The following ZNF264 variants were observed in gnomAD, a reference collection of about 807,000 sequenced individuals.
ZNF264 encodes the protein zinc finger protein 264.
In ZNF264, 11 loss-of-function variants were observed where a neutral mutation model predicts 11.2. That is an observed-to-expected ratio of 0.98 (90% CI 0.62 to 1.63). The LOEUF (loss-of-function observed/expected upper bound fraction) is 1.63, where lower values mean the gene tolerates loss of function less well. Among genes scored for constraint, ZNF264 ranks in the 40% most tolerant of loss-of-function variants. The pLI is 0.00. For missense variants in ZNF264, 752 were observed against 768.1 expected (o/e 0.98, Z 0.25); for synonymous variants, 309 against 279.8 (o/e 1.10, Z -1.04).
Position 57,213,220 on chromosome 19 carries a change from T to C in ZNF264, c.*239T>C, listed in dbSNP as rs2087354955. The C allele has an allele frequency of 5.1e-6, 2 of 388,880 alleles. No homozygotes were observed. Among genetic ancestry groups the C allele is most frequent in the Non-Finnish European group, 9.2e-6 (2 of 217,644 alleles). 24.1% of individuals were successfully genotyped at this position (388,880 alleles called of 1,614,324 possible). On this transcript the variant is annotated 3_prime_UTR_variant, in exon 4 of 4. Coordinates refer to ENST00000263095, the MANE Select transcript of ZNF264 (RefSeq NM_003417.5). ...AAAAAATGAAATGCAAGCACACATC[T>C]TTTCAGGCTTCTCTGCCAAGCCTAT...
chr19:57,212,668 C>T lies in ZNF264; in HGVS notation c.1571C>T (p.Thr524Ile). 2 of 1,613,920 alleles carry T rather than the reference C, an allele frequency of 1.2e-6. No individual in the cohort carries two copies. Among genetic ancestry groups the T allele is most frequent in the Non-Finnish European group, 1.7e-6 (2 of 1,179,994 alleles). The part of the protein sequence containing the change: ...VECGKSFCWS[T>I]NLIRHAIIHT... ...TGTGGGAAATCGTTTTGCTGGAGCA[C>T]AAACCTCATTCGACATGCCATTATC... Residue 524 changes from threonine (T) to isoleucine (I), a missense_variant, in exon 4 of 4, where the codon ACA becomes ATA. Transcript: ENST00000263095.
rs1181925252 is a variant in ZNF264, at chr19:57,212,999, G to A, written c.*18G>A. The A allele has an allele frequency of 3.1e-6, 5 of 1,589,454 alleles. 1 individual carries two copies. In the African/African-American group the frequency reaches 4.1e-5, roughly 13 times the overall value. On this transcript the variant is annotated 3_prime_UTR_variant, in exon 4 of 4. Coordinates refer to ENST00000263095, the MANE Select transcript of ZNF264 (RefSeq NM_003417.5). The stretch of plus-strand genomic sequence containing the variant: ...CACTGTGAGAAAACCTTCTGTTGCT[G>A]AATATTACTTGTCATCTGAAGAGTC...
In ZNF264 at chr19:57,211,483, A is replaced by C. The variant is rs1451410504; in HGVS notation, c.386A>C (p.Gln129Pro). The C allele has an allele frequency of 1.9e-6, 3 of 1,614,176 alleles. No homozygotes were observed. Among genetic ancestry groups the C allele is most frequent in the Non-Finnish European group, 8.5e-7 (1 of 1,180,032 alleles). Residue 129 changes from glutamine to proline, a missense_variant, in exon 4 of 4, where the codon CAG becomes CCG. Transcript: ENST00000263095. ...TCACAGTTGGGGCAAGCCGAGGATC[A>C]GGATGGGCTATCAGAAATGCAGGAA... ...VDSQLGQAED[Q>P]DGLSEMQEGH...
chr19:57,194,662 T>G (rs2087199192), intron 2 of ZNF264: 1 of 389,190 alleles, frequency 2.6e-6, no homozygotes, highest in African/African-American at 2.1e-5. Flanking sequence ...TTCTGCCTAC[T>G]TTATATGCTG....
rs1193245276 is a variant in ZNF264 at position 57,220,545 on chromosome 19, C to T, written c.*7564C>T. ...TCGTCCCCACATCCAGGCACTGCCCCATTCTGTTCATTCCACCTTTTTTTT... is the reference window on the plus strand; with the variant it reads ...TCGTCCCCACATCCAGGCACTGCCCTATTCTGTTCATTCCACCTTTTTTTT... On this transcript the variant is annotated 3_prime_UTR_variant, in exon 4 of 4. Transcript: ENST00000263095. 6.6e-6 allele frequency: 1 copy of T among 152,276 alleles called. No individual in the cohort carries two copies. The highest frequency in any genetic ancestry group is 1.5e-5 in the Non-Finnish European group (1 of 68,040). 9.4% of individuals were successfully genotyped at this position (152,276 alleles called of 1,614,324 possible).
At chr19:57,210,611 G>A (rs1038782428) in intron 3 of ZNF264, among the ~76,000 whole-genome samples, 2 of 152,198 alleles carry the variant, frequency 1.3e-5, no homozygotes, top group African/African-American at 2.4e-5. Flanking sequence ...GTCCAGAATT[G>A]TACTGAAGCT....
At chr19:57,201,172 G>T (rs1364023975) in intron 2 of ZNF264, among the ~76,000 whole-genome samples, 1 of 151,964 alleles carries the variant, frequency 6.6e-6, no homozygotes, top group Non-Finnish European at 1.5e-5. Flanking sequence ...TGGTACATAA[G>T]GTTTAAAAGT....
chr19:57,199,436 A>T (rs2087235449), intron 2 of ZNF264, among the ~76,000 whole-genome samples: 1 of 151,894 alleles, frequency 6.6e-6, no homozygotes, highest in Non-Finnish European at 1.5e-5. Context: ...TCTACATTAG[A>T]CCAAGGGAGA....
At position 57,212,530 on chromosome 19, in the gene ZNF264, C is replaced by T; in HGVS notation, c.1433C>T (p.Thr478Ile). Residue 478 changes from threonine (T) to isoleucine (I), a missense_variant, in exon 4 of 4, where the codon ACT becomes ATT. Thr to Ile is a moderately conservative substitution (Grantham distance 89). Transcript: ENST00000263095. ...CTCATTCGCCACTTCAGCATCCACA[C>T]TGGAGAGAAGCCCTATGAGTGCGTG... ...KDLIRHFSIH[T>I]GEKPYECVEC... The T allele has an allele frequency of 1.2e-6, 2 of 1,614,120 alleles. No homozygotes were observed. Among genetic ancestry groups the T allele is most frequent in the South Asian group, 1.1e-5 (1 of 91,082 alleles).
In ZNF264 at chr19:57,212,585, G is replaced by A. The variant is rs114926245; in HGVS notation, c.1488G>A (p.Ser496=). 3.6e-5 allele frequency: 58 copies of A among 1,613,982 alleles called. No homozygotes were observed. Among genetic ancestry groups the A allele is most frequent in the East Asian group, 1.3e-4 (6 of 44,832 alleles). Residue 496 remains serine, a synonymous_variant, in exon 4 of 4, where the codon TCG becomes TCA. Transcript: ENST00000263095. The part of the protein sequence containing the change: ...VECGKAFTRM[S]GLTRHKRIHS... ...GTGGAAAGGCCTTCACCCGCATGTCGGGCCTCACGAGGCACAAGCGGATTC... is the reference window on the plus strand; with the variant it reads ...GTGGAAAGGCCTTCACCCGCATGTCAGGCCTCACGAGGCACAAGCGGATTC...
rs149589887 is a variant in ZNF264 at position 57,193,912 on chromosome 19, C to G, written c.71C>G (p.Thr24Ser). The G allele has an allele frequency of 2.0e-5, 33 of 1,613,942 alleles. No individual in the cohort carries two copies. In the African/African-American group the frequency reaches 3.6e-4, roughly 18 times the overall value. ...TTTGATGATGTGGCTGTGACTTTCA[C>G]CAAGGAGGAGTGGGGGCAGCTGGAC... ...VTFDDVAVTF[T>S]KEEWGQLDLA... is the part of the protein sequence containing the mutation. Residue 24 changes from threonine (T) to serine (S), a missense_variant, in exon 2 of 4, where the codon ACC becomes AGC. Transcript: ENST00000263095.
rs965920727 is a variant in ZNF264 at position 57,214,725 on chromosome 19, C to T, written c.*1744C>T. 5 of 152,164 alleles carry T rather than the reference C, an allele frequency of 3.3e-5. No individual in the cohort carries two copies. The highest frequency in any genetic ancestry group is 7.3e-5 in the Non-Finnish European group (5 of 68,032). The allele number at this position is 152,164 out of a possible 1,614,324, so 9.4% of individuals were successfully genotyped here. ...TGTCCTCTATAAGGGTAAAAAATTT[C>T]CTCTGTTCCCAGTTTTCTGAGACTC... is the stretch of plus-strand genomic sequence containing the variant. On this transcript the variant is annotated 3_prime_UTR_variant, in exon 4 of 4. Transcript: ENST00000263095.
intron 2 of ZNF264, among the ~76,000 whole-genome samples, chr19:57,202,556 A>G (rs965695451): frequency 6.6e-6 from 1 of 151,664 alleles, no homozygotes; most frequent in African/African-American, 2.4e-5. Context: ...TGTGGGTCTC[A>G]TGAGTGGGTC....
chr19:57,215,679 A>G lies in ZNF264; in HGVS notation c.*2698A>G, dbSNP rs1368657888. 1 of 152,184 alleles carries G rather than the reference A, an allele frequency of 6.6e-6. No individual in the cohort carries two copies. Among genetic ancestry groups the G allele is most frequent in the Non-Finnish European group, 1.5e-5 (1 of 68,032 alleles). The allele number at this position is 152,184 out of a possible 1,614,324, so 9.4% of individuals were successfully genotyped here. On this transcript the variant is annotated 3_prime_UTR_variant, in exon 4 of 4. Coordinates refer to ENST00000263095, the MANE Select transcript of ZNF264 (RefSeq NM_003417.5). Reference sequence around the variant, plus strand: ...ATTACATTGTATAAATTTACCTCATATCACTATTGGTTTGATCCCACAAGT... The same window carrying G: ...ATTACATTGTATAAATTTACCTCATGTCACTATTGGTTTGATCCCACAAGT...
Position 57,212,445 on chromosome 19 carries a change from A to G in ZNF264, c.1348A>G (p.Thr450Ala), listed in dbSNP as rs2087346552. ...TTTTATCTTGCATAAAAGGGCCCAC[A>G]CTGGAGAAAAGCCTTTCGAGTGCAA... is the stretch of plus-strand genomic sequence containing the variant. The part of the protein sequence containing the change: ...STFILHKRAH[T>A]GEKPFECKEC... Residue 450 changes from threonine to alanine, a missense_variant, in exon 4 of 4, where the codon ACT (threonine) becomes GCT (alanine). Transcript: ENST00000263095. 6.2e-7 allele frequency: 1 copy of G among 1,614,106 alleles called. No individual in the cohort carries two copies. Among genetic ancestry groups the G allele is most frequent in the Non-Finnish European group, 8.5e-7 (1 of 1,180,034 alleles).
Position 57,211,371 on chromosome 19 carries a change from A to G in ZNF264, c.274A>G (p.Lys92Glu), listed in dbSNP as rs2087333788. Residue 92 changes from lysine (K) to glutamate (E), a missense_variant, in exon 4 of 4, where the codon AAG becomes GAG. Coordinates refer to ENST00000263095, the MANE Select transcript of ZNF264 (RefSeq NM_003417.5). Reference protein sequence around the residue: ...DTCPGDKGKPKTTEPTTCEPA... With the variant: ...DTCPGDKGKPETTEPTTCEPA... The stretch of plus-strand genomic sequence containing the variant: ...TCTTTCAGGCGACAAAGGAAAACCT[A>G]AGACCACAGAACCTACCACTTGTGA... 7.5e-6 allele frequency: 12 copies of G among 1,609,040 alleles called. No individual in the cohort carries two copies. Among genetic ancestry groups the G allele is most frequent in the Non-Finnish European group, 9.3e-6 (11 of 1,177,102 alleles).
rs1347228794 is a variant in ZNF264, at chr19:57,221,082, ACT to A, written c.*8104_*8105del. On this transcript the variant is annotated 3_prime_UTR_variant, in exon 4 of 4. Coordinates refer to ENST00000263095, the MANE Select transcript of ZNF264 (RefSeq NM_003417.5). ...TTTGTTTGTTTTGAGATGGAGTCTC[ACT>A]CTGTCACCCATGCTGGTGTGCAGTG... 1 of 151,794 alleles carries A rather than the reference ACT, an allele frequency of 6.6e-6. No individual in the cohort carries two copies. Among genetic ancestry groups the A allele is most frequent in the Non-Finnish European group, 1.5e-5 (1 of 68,238 alleles). 9.4% of individuals were successfully genotyped at this position (151,794 alleles called of 1,614,324 possible). A position where few individuals can be genotyped will look rare whatever the true frequency, so the allele number is the denominator to read the frequency against.
intron 2 of ZNF264, among the ~76,000 whole-genome samples, chr19:57,203,548 C>G (rs971297641): frequency 1.3e-5 from 2 of 151,820 alleles, no homozygotes; most frequent in Non-Finnish European, 2.9e-5. Context: ...TTTTGTTGTT[C>G]TTGTTGTTGT....
chr19:57,194,731 C>T (rs1438366918), intron 2 of ZNF264: 1 of 399,304 alleles, frequency 2.5e-6, no homozygotes, highest in Non-Finnish European at 4.4e-6. Flanking sequence ...GTCTGCCTTT[C>T]CCAGCCCACT....
Sources: gnomAD v4.1 joint callset for allele counts (sites outside exome capture counted in the v4.1 genomes callset) on GRCh38, gnomAD v4.1.1 for gene constraint, MANE v1.5 for transcripts, NCBI Gene and HGNC (gene_info 2026-07-23, HGNC 2026-07-21) for gene names.